Variants in KLC1 observed in about 807,000 individuals in gnomAD.
KLC1 encodes kinesin 2 60/70kDa.
Under a neutral mutation model 84.2 loss-of-function variants are expected in KLC1, and 30 were observed. The observed-to-expected ratio is 0.36, with a 90% CI of 0.27 to 0.48. KLC1 has a LOEUF of 0.48. Ranked by LOEUF, KLC1 falls within the 20% of genes least tolerant of loss-of-function variation. The pLI, the probability that KLC1 is intolerant of heterozygous loss-of-function variation, is 0.99. For synonymous variants in KLC1, 289 were observed against 293.3 expected (o/e 0.99, Z 0.15); for missense variants, 499 against 805.4 (o/e 0.62, Z 4.60).
Position 103,693,805 on chromosome 14 carries a change from C to G in KLC1, c.1848+1380C>G. On this transcript the variant is annotated intron_variant, in intron 15 of 16. Coordinates refer to ENST00000334553, the MANE Select transcript of KLC1 (RefSeq NM_001394837.1). The surrounding 1 kb of genome is among the most constrained non-coding windows in gnomAD (Gnocchi z 5.1). ...GGCCGTGCCTCAGCATTCTGTTACT[C>G]GGCCTGCAGCCCCAGTGCCAGGAGC... is the stretch of plus-strand genomic sequence containing the variant. The G allele has an allele frequency of 1.4e-6, 2 of 1,397,510 alleles. No homozygotes were observed. The highest frequency in any genetic ancestry group is 1.6e-5 in the South Asian group (1 of 62,954). 86.6% of individuals were successfully genotyped at this position (1,397,510 alleles called of 1,614,324 possible).
At chr14:103,667,272 C>T (rs2079945216) in intron 5 of KLC1, among the ~76,000 whole-genome samples, 1 of 151,442 alleles carries the variant, frequency 6.6e-6, no homozygotes, top group Non-Finnish European at 1.5e-5. Flanking sequence ...CCACCACACC[C>T]AGCTAATTTT....
chr14:103,698,221 A>C, intron 15 of KLC1: 1 of 169,764 alleles, frequency 5.9e-6, no homozygotes, highest in Non-Finnish European at 1.3e-5. Context: ...TACCACACTG[A>C]AGTTTTGTGG....
At chr14:103,654,492 C>T in intron 1 of KLC1, 72 bp from the exon 2 acceptor site, 17 of 1,289,006 alleles carry the variant, frequency 1.3e-5, no homozygotes, top group Non-Finnish European at 1.6e-5. Flanking sequence ...AAAAAATTTT[C>T]ATATTTACTT....
intron 16 of KLC1, 126 bp from the exon 17 acceptor site, chr14:103,701,075 C>T (rs2083157924): frequency 1.6e-6 from 2 of 1,216,714 alleles, no homozygotes; most frequent in Non-Finnish European, 2.3e-6. Context: ...GGCTCACAAC[C>T]AGCAACACCC....
At chr14:103,684,801 A>T in intron 13 of KLC1, 1 of 590,736 alleles carries the variant, frequency 1.7e-6, no homozygotes, top group South Asian at 2.1e-5. Flanking sequence ...CATTTAGTTG[A>T]GGTGTATTAT....
intron 15 of KLC1, chr14:103,696,832 C>T (rs1276986653): frequency 1.0e-6 from 1 of 985,298 alleles, no homozygotes; most frequent in East Asian, 1.1e-4. Flanking sequence ...TGGCCCTGGC[C>T]TGGAACTGTG....
At chr14:103,657,293 T>C (rs755115389) in intron 2 of KLC1, among the ~76,000 whole-genome samples, 4 of 152,148 alleles carry the variant, frequency 2.6e-5, no homozygotes, top group Non-Finnish European at 5.9e-5. Context: ...GCTAGTTCAT[T>C]TGGCATGCTC....
rs553177234 is a variant in KLC1 at position 103,701,381 on chromosome 14, T to C, written c.*182T>C. 20 of 628,956 alleles carry C rather than the reference T, an allele frequency of 3.2e-5. No homozygotes were observed. The African/African-American group carries it at 3.3e-4, about 10-fold the overall frequency. The allele number at this position is 628,956 out of a possible 1,614,324, so 39.0% of individuals were successfully genotyped here. ...CACACGGCTGGCGTGACCTTGGGGCTGGGGCTGGGCCTAAGCTGGTGCCCT... is the reference window on the plus strand; with the variant it reads ...CACACGGCTGGCGTGACCTTGGGGCCGGGGCTGGGCCTAAGCTGGTGCCCT... On this transcript the variant is annotated 3_prime_UTR_variant, in exon 17 of 17. Transcript: ENST00000334553.
chr14:103,699,350 G>A (rs756610731), intron 15 of KLC1: 2 of 1,591,790 alleles, frequency 1.3e-6, no homozygotes, highest in Admixed American at 3.6e-5. Flanking sequence ...GTGCAACCCT[G>A]CCTTGGTGCT....
At chr14:103,696,091 C>CGGGGGGGGGGGGGGGG in intron 15 of KLC1, 12 of 744,660 alleles carry the variant, frequency 1.6e-5, no homozygotes, top group East Asian at 3.5e-4. Flanking sequence ...ATAATCACTG[C>CGGGGGGGGGGGGGGGG]GCCCCCGCCC....
intron 15 of KLC1, chr14:103,699,347 C>G: frequency 6.3e-7 from 1 of 1,588,530 alleles, no homozygotes; most frequent in Non-Finnish European, 8.6e-7. Flanking sequence ...GGGGTGCAAC[C>G]CTGCCTTGGT....
Position 103,675,557 on chromosome 14 carries a change from A to G in KLC1, c.1267A>G (p.Asn423Asp). The change falls in exon 10 of 17, where the codon AAT becomes GAT. Residue 423 changes from asparagine to aspartate, a missense_variant. This residue lies in a region of KLC1 where 153 missense variants were observed against 332.4 expected (regional missense o/e 0.46). Transcript: ENST00000334553. Reference protein sequence around the residue: ...EREFGSVDDENKPIWMHAEER... With the variant: ...EREFGSVDDEDKPIWMHAEER... ...TGCTGTGTTTTCTTCCCTAGATGAA[A>G]ATAAACCCATCTGGATGCATGCTGA... 6.2e-7 allele frequency: 1 copy of G among 1,611,948 alleles called. No homozygotes were observed. The highest frequency in any genetic ancestry group is 8.5e-7 in the Non-Finnish European group (1 of 1,179,282).
intron 1 of KLC1, among the ~76,000 whole-genome samples, chr14:103,638,179 C>G (rs2151308555): frequency 6.6e-6 from 1 of 152,212 alleles, no homozygotes; most frequent in African/African-American, 2.4e-5. Flanking sequence ...TAAAACATCC[C>G]TTATAAACCT....
intron 6 of KLC1, 120 bp from the exon 7 acceptor site, chr14:103,670,062 G>A (rs546112158): frequency 2.9e-6 from 2 of 679,836 alleles, no homozygotes; most frequent in East Asian, 2.6e-5. Flanking sequence ...AAGTCATATT[G>A]TTCTATCCGA....
At chr14:103,672,605 G>T (rs2080499461) in intron 7 of KLC1, among the ~76,000 whole-genome samples, 1 of 152,198 alleles carries the variant, frequency 6.6e-6, no homozygotes, top group African/African-American at 2.4e-5. Context: ...AGGGCTAGGA[G>T]AAGAGCATCC....
intron 15 of KLC1, chr14:103,696,366 T>C (rs1257791605): frequency 2.5e-5 from 25 of 985,242 alleles, no homozygotes; most frequent in African/African-American, 8.7e-5. Context: ...GTTTACAGTA[T>C]TGGAGGGATT....
chr14:103,686,305 G>A, intron 13 of KLC1: 6 of 780,482 alleles, frequency 7.7e-6, no homozygotes, highest in Non-Finnish European at 9.3e-6. Flanking sequence ...GCTGCTAGGG[G>A]TCATGGGGTG....
Position 103,694,849 on chromosome 14 carries a change from TA to T in KLC1, c.1848+2428del, listed in dbSNP as rs2082330588. ...GAGGTTTTGTTACAAGGCTAGACTTTAAAATACCTTTCAAAGTTTCATCCCG... is the reference window on the plus strand; with the variant it reads ...GAGGTTTTGTTACAAGGCTAGACTTTAAATACCTTTCAAAGTTTCATCCCG... On this transcript the variant is annotated intron_variant, in intron 15 of 16. Transcript: ENST00000334553. The surrounding 1 kb of genome is among the most constrained non-coding windows in gnomAD (Gnocchi z 4.5). 1.0e-6 allele frequency: 1 copy of T among 985,382 alleles called. No homozygotes were observed. The highest frequency in any genetic ancestry group is 1.7e-5 in the African/African-American group (1 of 57,254). The allele number at this position is 985,382 out of a possible 1,614,324, so 61.0% of individuals were successfully genotyped here. A position where few individuals can be genotyped will look rare whatever the true frequency, so the allele number is the denominator to read the frequency against.
chr14:103,699,501 C>T (rs149642280), intron 15 of KLC1: 289 of 1,612,846 alleles, frequency 1.8e-4, no homozygotes, highest in Non-Finnish European at 2.2e-4. Context: ...GCCACCGAGT[C>T]GATGACCACC....
Sources: gnomAD v4.1 joint callset for allele counts (sites outside exome capture counted in the v4.1 genomes callset) on GRCh38, gnomAD v4.1.1 for gene constraint, gnomAD v4.1.1 regional missense constraint, Gnocchi (gnomAD v3.1) non-coding constraint, MANE v1.5 for transcripts, NCBI Gene and HGNC (gene_info 2026-07-23, HGNC 2026-07-21) for gene names.